SEMA3A: variants seen among roughly 807,000 people sequenced by gnomAD.
SEMA3A encodes semaphorin-3A.
In SEMA3A, 29 loss-of-function variants were observed where a neutral mutation model predicts 97.9. The ratio of observed to expected loss-of-function variants is 0.30; its 90% CI spans 0.22 to 0.40. The LOEUF (loss-of-function observed/expected upper bound fraction) is 0.40, where lower values mean the gene tolerates loss of function less well. Ranked by LOEUF, SEMA3A falls within the 10% of genes least tolerant of loss-of-function variation. SEMA3A has a pLI of 1.00. For missense variants in SEMA3A, 763 were observed against 951.3 expected (o/e 0.80, Z 2.60); for synonymous variants, 321 against 323.7 (o/e 0.99, Z 0.09).
chr7:84,477,430 C>T (rs1462849320), intron 1 of SEMA3A, among the ~76,000 whole-genome samples: 3 of 111,654 alleles, frequency 2.7e-5, no homozygotes, highest in Non-Finnish European at 4.9e-5. Context: ...CAGAGCGAGA[C>T]TCTGTCTCAA....
intron 1 of SEMA3A, among the ~76,000 whole-genome samples, chr7:84,378,997 G>T (rs1178673429): frequency 6.6e-6 from 1 of 151,736 alleles, no homozygotes; most frequent in Non-Finnish European, 1.5e-5. Context: ...CACAATCTCG[G>T]CTCACTTGCA....
intron 1 of SEMA3A, among the ~76,000 whole-genome samples, chr7:84,398,694 G>C (rs571982126): frequency 6.6e-6 from 1 of 152,030 alleles, no homozygotes; most frequent in East Asian, 1.9e-4. Context: ...TGTAGTCTTA[G>C]CTACTCAGGA....
At chr7:84,086,602 A>ACATATAATATATTATTATCTTATATT (rs1562770450) in intron 4 of SEMA3A, among the ~76,000 whole-genome samples, 1 of 140,524 alleles carries the variant, frequency 7.1e-6, no homozygotes, top group Non-Finnish European at 1.5e-5. Flanking sequence ...TATTATATTT[A>ACATATAATATATTATTATCTTATATT]TAATCCTCAC....
intron 4 of SEMA3A, among the ~76,000 whole-genome samples, chr7:84,094,254 C>A (rs565504517): frequency 1.3e-5 from 2 of 152,088 alleles, no homozygotes; most frequent in South Asian, 4.1e-4. Context: ...ATACAGGCAC[C>A]ATCTTTGAGG....
chr7:84,434,124 T>C (rs1805059205), intron 1 of SEMA3A, among the ~76,000 whole-genome samples: 1 of 152,192 alleles, frequency 6.6e-6, no homozygotes, highest in South Asian at 2.1e-4. Flanking sequence ...TTCTGACTAC[T>C]GTAAGGTGGT....
At chr7:84,026,569 A>G (rs1584563313) in intron 6 of SEMA3A, among the ~76,000 whole-genome samples, 1 of 152,298 alleles carries the variant, frequency 6.6e-6, no homozygotes, top group African/African-American at 2.4e-5. Flanking sequence ...AGCACTGTTC[A>G]CAATAGCAAA....
rs200018314 is a variant in SEMA3A, at chr7:84,468,828, AG to A, written c.-246+23631del. Among the ~76,000 whole-genome samples the A allele has an allele frequency of 4.0e-5, 6 of 150,724 alleles. No individual in the cohort carries two copies. In the East Asian group the frequency reaches 1.2e-3, roughly 29 times the overall value. The stretch of plus-strand genomic sequence containing the variant: ...ATAGTTTTTATTTTCTTTTTTTTTT[AG>A]AAAAATGATTCTCTTTAGTAAAATA... On this transcript the variant is annotated intron_variant, in intron 1 of 3. Transcript: ENST00000424555.
In SEMA3A at chr7:84,160,271, A is replaced by G. The variant is rs1441158718; in HGVS notation, c.113-25320T>C. On this transcript the variant is annotated intron_variant, in intron 1 of 16. Coordinates refer to ENST00000265362, the MANE Select transcript of SEMA3A (RefSeq NM_006080.3). ...TATCTATCTATCTATCTATCTATCT[A>G]TCTATCGTTAGTTCGTTCTAAACTA... Among the ~76,000 whole-genome samples, 15 of 110,944 alleles carry G rather than the reference A, an allele frequency of 1.4e-4. No individual in the cohort carries two copies. The East Asian group carries it at 3.6e-3, about 27-fold the overall frequency. The allele number at this position is 110,944 out of a possible 152,430, so 72.8% of individuals were successfully genotyped here.
chr7:84,189,906 C>T (rs1797988889), intron 1 of SEMA3A, among the ~76,000 whole-genome samples: 1 of 151,498 alleles, frequency 6.6e-6, no homozygotes. Flanking sequence ...ATCAATATAT[C>T]TGTTTAGTTT....
At chr7:83,964,855 T>G (rs891039503) in intron 15 of SEMA3A, among the ~76,000 whole-genome samples, 12 of 152,204 alleles carry the variant, frequency 7.9e-5, no homozygotes, top group Admixed American at 5.2e-4. Context: ...TAGGCTGTTT[T>G]TTTTTCCCCT....
intron 1 of SEMA3A, among the ~76,000 whole-genome samples, chr7:84,151,133 A>T (rs886427226): frequency 6.6e-6 from 1 of 150,498 alleles, no homozygotes; most frequent in Non-Finnish European, 1.5e-5. Flanking sequence ...AACCACAAAG[A>T]TGGGGAAAAA....
chr7:84,060,326 C>A (rs1397688824), intron 5 of SEMA3A, 139 bp downstream of exon 5: 1 of 604,592 alleles, frequency 1.7e-6, no homozygotes. Context: ...CATTTTCAAA[C>A]ATTTGAATAT....
Position 83,968,871 on chromosome 7 carries a change from C to T in SEMA3A, c.1718-5524G>A, listed in dbSNP as rs1297963759. Among the ~76,000 whole-genome samples the T allele has an allele frequency of 8.1e-5, 11 of 135,406 alleles. No individual in the cohort carries two copies. In the Admixed American group the frequency reaches 8.3e-4, roughly 10 times the overall value. The allele number at this position is 135,406 out of a possible 152,430, so 88.8% of individuals were successfully genotyped here. Reference sequence around the variant, plus strand: ...TCTCACCCAGGCTGGAGTGCAGTGGCACGATCTCGGCTCACTGCAACCTCC... The same window carrying T: ...TCTCACCCAGGCTGGAGTGCAGTGGTACGATCTCGGCTCACTGCAACCTCC... On this transcript the variant is annotated intron_variant, in intron 15 of 16. Transcript: ENST00000265362.
chr7:84,275,302 A>T (rs952149880), intron 3 of SEMA3A, among the ~76,000 whole-genome samples: 1 of 152,138 alleles, frequency 6.6e-6, no homozygotes, highest in Non-Finnish European at 1.5e-5. Flanking sequence ...AGGCTACCAG[A>T]TATTAATGAC....
chr7:84,235,379 T>C (rs1238765788), intron 3 of SEMA3A, among the ~76,000 whole-genome samples: 1 of 152,052 alleles, frequency 6.6e-6, no homozygotes, highest in Non-Finnish European at 1.5e-5. Flanking sequence ...ATGTGAATAA[T>C]TGTATGTATT....
chr7:84,473,183 A>T (rs1442607084), intron 1 of SEMA3A, among the ~76,000 whole-genome samples: 1 of 134,108 alleles, frequency 7.5e-6, no homozygotes, highest in African/African-American at 3.3e-5. Context: ...TGAAACCTAC[A>T]TACTTCTTAA....
intron 3 of SEMA3A, among the ~76,000 whole-genome samples, chr7:84,302,112 AT>A (rs964034505): frequency 1.4e-4 from 21 of 152,172 alleles, no homozygotes; most frequent in African/African-American, 4.8e-4. Flanking sequence ...AATAAAAAAA[AT>A]CAACTACTAA....
intron 2 of SEMA3A, among the ~76,000 whole-genome samples, chr7:84,342,113 G>A (rs1206404322): frequency 7.2e-5 from 11 of 151,908 alleles, no homozygotes; most frequent in South Asian, 6.2e-4. Flanking sequence ...TTGGCTCACC[G>A]CAAGCTTCGC....
At chr7:84,345,337 A>T (rs73711530) in intron 2 of SEMA3A, among the ~76,000 whole-genome samples, 1 of 152,308 alleles carries the variant, frequency 6.6e-6, no homozygotes, top group African/African-American at 2.4e-5. Flanking sequence ...CTGCTGACTC[A>T]TTAAGGTGGT....
Sources: gnomAD v4.1 joint callset for allele counts (sites outside exome capture counted in the v4.1 genomes callset) on GRCh38, gnomAD v4.1.1 for gene constraint, MANE v1.5 for transcripts, NCBI Gene and HGNC (gene_info 2026-07-23, HGNC 2026-07-21) for gene names.